RSRC1: variants seen among roughly 807,000 people sequenced by gnomAD.
RSRC1 encodes serine/Arginine-related protein 53.
Under a neutral mutation model 49.1 loss-of-function variants are expected in RSRC1, and 39 were observed. The observed-to-expected ratio is 0.79, with a 90% confidence interval of 0.61 to 1.04. The LOEUF is 1.04. Among genes scored for constraint, RSRC1 ranks in the 50% least tolerant of loss-of-function variants. The probability of loss-of-function intolerance (pLI) is 0.00; values close to 1 mark genes in which losing one functional copy is unlikely to be tolerated. For missense variants in RSRC1, 388 were observed against 402.4 expected, an observed-to-expected ratio of 0.96 and a Z score of 0.31; for synonymous variants, 143 against 130.8, an observed-to-expected ratio of 1.09 and a Z score of -0.63.
At chr3:158,538,612 A>G (rs942097296) in intron 8 of RSRC1, among the ~76,000 whole-genome samples, 4 of 152,054 alleles carry the variant, frequency 2.6e-5, no homozygotes, top group African/African-American at 9.6e-5. Flanking sequence ...CAGTCAATAC[A>G]CTGGGTTTTC....
At chr3:158,225,023 A>G (rs1216011371) in intron 4 of RSRC1, among the ~76,000 whole-genome samples, 1 of 151,894 alleles carries the variant, frequency 6.6e-6, no homozygotes, top group Non-Finnish European at 1.5e-5. Context: ...TTGAAGTACC[A>G]ATCTTGATAA....
intron 3 of RSRC1, among the ~76,000 whole-genome samples, chr3:158,167,608 T>C (rs1718614334): frequency 1.3e-5 from 2 of 152,218 alleles, no homozygotes; most frequent in South Asian, 2.1e-4. Context: ...CCTTTTTATG[T>C]TTCATAAGTT....
chr3:158,185,081 A>G (rs996038213), intron 3 of RSRC1, among the ~76,000 whole-genome samples: 4 of 151,962 alleles, frequency 2.6e-5, no homozygotes, highest in African/African-American at 9.7e-5. Context: ...TCATGTACAG[A>G]TTTAGATTTT....
At chr3:158,429,653 TA>T (rs1278784740) in intron 6 of RSRC1, among the ~76,000 whole-genome samples, 9 of 147,760 alleles carry the variant, frequency 6.1e-5, no homozygotes, top group East Asian at 4.0e-4. Context: ...TAAGTGATCT[TA>T]AAAAAAAACA....
intron 1 of RSRC1, among the ~76,000 whole-genome samples, chr3:158,115,731 C>T (rs1381109750): frequency 6.6e-6 from 1 of 152,148 alleles, no homozygotes; most frequent in African/African-American, 2.4e-5. Flanking sequence ...ATTCTCATAT[C>T]TGCTTCTTCA....
chr3:158,255,304 C>T (rs965587718), intron 4 of RSRC1, among the ~76,000 whole-genome samples: 1 of 152,130 alleles, frequency 6.6e-6, no homozygotes, highest in Non-Finnish European at 1.5e-5. Flanking sequence ...TTTCCCAGCA[C>T]CATTTATTAA....
chr3:158,433,689 G>A (rs1298873374), intron 6 of RSRC1, among the ~76,000 whole-genome samples: 1 of 151,888 alleles, frequency 6.6e-6, no homozygotes, highest in Non-Finnish European at 1.5e-5. Context: ...AATAATAATG[G>A]TTTGAAAGTT....
intron 6 of RSRC1, among the ~76,000 whole-genome samples, chr3:158,357,262 G>A (rs1731209823): frequency 6.6e-6 from 1 of 152,048 alleles, no homozygotes; most frequent in Non-Finnish European, 1.5e-5. Flanking sequence ...GAGGTCAGAG[G>A]GTATTAACAT....
intron 7 of RSRC1, among the ~76,000 whole-genome samples, chr3:158,462,829 G>A (rs1043368461): frequency 2.0e-5 from 3 of 151,890 alleles, no homozygotes; most frequent in South Asian, 2.1e-4. Flanking sequence ...GACCTTATAC[G>A]TAGTCTGCAA....
chr3:158,116,824 G>A (rs543486761), intron 1 of RSRC1, among the ~76,000 whole-genome samples: 1 of 152,070 alleles, frequency 6.6e-6, no homozygotes, highest in East Asian at 1.9e-4. Flanking sequence ...TATAGGGAAA[G>A]GATTTTTTTT....
At chr3:158,136,239 G>T (rs1031105748) in intron 3 of RSRC1, among the ~76,000 whole-genome samples, 33 of 152,078 alleles carry the variant, frequency 2.2e-4, no homozygotes, top group Admixed American at 2.6e-4. Context: ...GAAATTACAT[G>T]AAAATAAGTT....
chr3:158,238,746 C>T (rs368345871), intron 4 of RSRC1, among the ~76,000 whole-genome samples: 6 of 152,236 alleles, frequency 3.9e-5, no homozygotes, highest in Admixed American at 1.3e-4. Context: ...AAATGTTAGA[C>T]CTGAAACTAT....
chr3:158,530,132 C>T (rs1198414947), intron 7 of RSRC1, among the ~76,000 whole-genome samples: 2 of 151,918 alleles, frequency 1.3e-5, no homozygotes, highest in African/African-American at 2.4e-5. Flanking sequence ...AGAATATTGC[C>T]AGCTTATTAT....
At chr3:158,520,992 G>T (rs763831823) in intron 7 of RSRC1, among the ~76,000 whole-genome samples, 34 of 151,970 alleles carry the variant, frequency 2.2e-4, no homozygotes, top group Non-Finnish European at 4.3e-4. Flanking sequence ...ACTACAAACT[G>T]GTAAACATAC....
At chr3:158,506,543 C>G (rs1421533010) in intron 7 of RSRC1, among the ~76,000 whole-genome samples, 1 of 151,882 alleles carries the variant, frequency 6.6e-6, no homozygotes, top group Non-Finnish European at 1.5e-5. Flanking sequence ...AAGAAGACGA[C>G]ATATAAACGG....
At position 158,543,532 on chromosome 3, in the gene RSRC1, C is replaced by T. The variant is rs976567278; in HGVS notation, c.912+45C>T. 5.1e-6 allele frequency: 8 copies of T among 1,554,706 alleles called. No individual in the cohort carries two copies. In the African/African-American group the frequency reaches 9.6e-5, roughly 19 times the overall value. On this transcript the variant is annotated intron_variant, in intron 9 of 9. Transcript: ENST00000611884. ...CGAATGTCAGTTGAAGTCTAATTTA[C>T]TGAAATTATTTCAATCTGTTATCCT... is the stretch of plus-strand genomic sequence containing the variant.
chr3:158,365,169 CT>C (rs1731693199), intron 6 of RSRC1, among the ~76,000 whole-genome samples: 1 of 152,054 alleles, frequency 6.6e-6, no homozygotes, highest in African/African-American at 2.4e-5. Context: ...TAAAATTATA[CT>C]TTAAGTTCTG....
intron 7 of RSRC1, among the ~76,000 whole-genome samples, chr3:158,462,117 A>G (rs1309851428): frequency 6.6e-6 from 1 of 151,744 alleles, no homozygotes; most frequent in Non-Finnish European, 1.5e-5. Flanking sequence ...TTGACCCCCA[A>G]ATATCCTGGC....
At chr3:158,459,949 T>C (rs989316641) in intron 6 of RSRC1, among the ~76,000 whole-genome samples, 5 of 151,912 alleles carry the variant, frequency 3.3e-5, no homozygotes, top group Admixed American at 3.3e-4. Flanking sequence ...TTTAAGCCAG[T>C]CATTATACTT....
Sources: allele counts gnomAD v4.1 joint callset (sites outside exome capture counted in the v4.1 genomes callset), GRCh38; gene constraint gnomAD v4.1.1; transcripts MANE v1.5; gene names NCBI Gene and HGNC (gene_info 2026-07-23, HGNC 2026-07-21).